MMP26: variants seen among roughly 807,000 people sequenced by gnomAD.
MMP26 encodes the protein matrix metalloproteinase-26.
MMP26 carries 33 observed loss-of-function variants against 31.0 expected under a neutral mutation model. The observed-to-expected ratio is 1.06, with a 90% confidence interval of 0.81 to 1.42. The LOEUF (loss-of-function observed/expected upper bound fraction) is 1.42. Among genes scored for constraint, MMP26 ranks in the 40% most tolerant of loss-of-function variants. The pLI is 0.00. For synonymous variants in MMP26, 122 were observed against 114.9 expected (o/e 1.06, Z -0.40); for missense variants, 347 against 316.1 (o/e 1.10, Z -0.74).
At chr11:4,880,219 C>T (rs1201338915) in intron 2 of MMP26, among the ~76,000 whole-genome samples, 1 of 152,032 alleles carries the variant, frequency 6.6e-6, no homozygotes, top group Non-Finnish European at 1.5e-5. Context: ...CTTTTGGAAG[C>T]TGGTTTAGTC....
intron 2 of MMP26, among the ~76,000 whole-genome samples, chr11:4,780,002 A>G (rs1848837271): frequency 6.6e-6 from 1 of 152,118 alleles, no homozygotes; most frequent in Non-Finnish European, 1.5e-5. Context: ...TTGTATATTC[A>G]TCCATGTTGC....
At chr11:4,875,726 CTTAACT>C (rs1302565877) in intron 2 of MMP26, 1 of 152,132 alleles carries the variant, frequency 6.6e-6, no homozygotes, top group Non-Finnish European at 1.5e-5. Context: ...TCTCAAGGTT[CTTAACT>C]TTAACTATAT....
At chr11:4,799,153 T>G (rs548553973) in intron 2 of MMP26, among the ~76,000 whole-genome samples, 1 of 152,320 alleles carries the variant, frequency 6.6e-6, no homozygotes, top group Admixed American at 6.5e-5. Context: ...TGTTAGTCCA[T>G]TGTTTTGCTT....
At chr11:4,784,211 C>A (rs1024256903) in intron 2 of MMP26, among the ~76,000 whole-genome samples, 7 of 152,160 alleles carry the variant, frequency 4.6e-5, no homozygotes, top group Non-Finnish European at 1.0e-4. Flanking sequence ...TCAGCTGGGG[C>A]AGTGATCAGA....
At chr11:4,758,858 TC>T (rs1441480587) in intron 1 of MMP26, among the ~76,000 whole-genome samples, 1 of 152,006 alleles carries the variant, frequency 6.6e-6, no homozygotes, top group East Asian at 1.9e-4. Context: ...ACACCTGTAA[TC>T]CCAGCACTTT....
At chr11:4,802,404 G>A (rs1289005882) in intron 2 of MMP26, among the ~76,000 whole-genome samples, 1 of 152,094 alleles carries the variant, frequency 6.6e-6, no homozygotes, top group Non-Finnish European at 1.5e-5. Context: ...AGGACAATTT[G>A]CTATCTGTAT....
intron 2 of MMP26, among the ~76,000 whole-genome samples, chr11:4,868,052 C>T (rs765338885): frequency 6.6e-6 from 1 of 152,074 alleles, no homozygotes; most frequent in Non-Finnish European, 1.5e-5. Context: ...CCATGTAATA[C>T]TATGGAGCCA....
At chr11:4,920,746 T>C (rs1382857882) in intron 2 of MMP26, among the ~76,000 whole-genome samples, 1 of 152,216 alleles carries the variant, frequency 6.6e-6, no homozygotes, top group Non-Finnish European at 1.5e-5. Flanking sequence ...AAAATCCCTT[T>C]GGGTTTCATT....
intron 2 of MMP26, among the ~76,000 whole-genome samples, chr11:4,965,956 C>T (rs183442055): frequency 2.0e-4 from 31 of 152,266 alleles, no homozygotes; most frequent in Admixed American, 1.8e-3. Context: ...AAATAAATTA[C>T]ATGAGAACAT....
chr11:4,977,424 G>A (rs561556567), intron 2 of MMP26, among the ~76,000 whole-genome samples: 5 of 152,156 alleles, frequency 3.3e-5, no homozygotes, highest in East Asian at 3.9e-4. Context: ...ACCTATTGAC[G>A]GGCCATTGGA....
chr11:4,849,107 C>T (rs1216225301), intron 2 of MMP26: 1 of 1,614,074 alleles, frequency 6.2e-7, no homozygotes. Flanking sequence ...GCAATGTCCA[C>T]CAGGAGGGTG....
intron 2 of MMP26, chr11:4,908,678 G>A (rs1450883889): frequency 3.5e-6 from 1 of 286,316 alleles, no homozygotes; most frequent in African/African-American, 2.2e-5. Context: ...TACTGTCAAG[G>A]AAAGGTAAAA....
intron 2 of MMP26, among the ~76,000 whole-genome samples, chr11:4,842,894 A>G (rs2133491292): frequency 1.3e-5 from 2 of 152,338 alleles, no homozygotes; most frequent in South Asian, 2.1e-4. Context: ...GGGTACAGGC[A>G]TTGGGTAAAT....
At chr11:4,708,643 G>T (rs940191326) in intron 1 of MMP26, among the ~76,000 whole-genome samples, 1 of 152,120 alleles carries the variant, frequency 6.6e-6, no homozygotes, top group Non-Finnish European at 1.5e-5. Flanking sequence ...GAAAACTTAA[G>T]ACAAGAAGCA....
At chr11:4,806,528 G>T (rs1019961671) in intron 2 of MMP26, among the ~76,000 whole-genome samples, 1 of 152,060 alleles carries the variant, frequency 6.6e-6, no homozygotes, top group Non-Finnish European at 1.5e-5. Flanking sequence ...TGTTTTATCA[G>T]AGACTAGGAT....
At chr11:4,977,215 G>A (rs1440167005) in intron 2 of MMP26, among the ~76,000 whole-genome samples, 2 of 152,074 alleles carry the variant, frequency 1.3e-5, no homozygotes, top group Non-Finnish European at 2.9e-5. Context: ...CTAAACATTT[G>A]TGTGCAGAAG....
chr11:4,817,806 A>G (rs1163269942), intron 2 of MMP26, among the ~76,000 whole-genome samples: 2 of 152,156 alleles, frequency 1.3e-5, no homozygotes, highest in African/African-American at 4.8e-5. Flanking sequence ...GTCTCTTGGC[A>G]ACAGGGTTGG....
chr11:4,848,689 T>G, intron 2 of MMP26: 1 of 1,613,956 alleles, frequency 6.2e-7, no homozygotes, highest in Non-Finnish European at 8.5e-7. Flanking sequence ...CAGTAGGGCA[T>G]GTAGGCCAGC....
At chr11:4,959,383 A>T (rs193261515) in intron 2 of MMP26, among the ~76,000 whole-genome samples, 2 of 152,126 alleles carry the variant, frequency 1.3e-5, no homozygotes, top group Admixed American at 6.5e-5. Flanking sequence ...TGGGTATAGG[A>T]TGTGTCTTCC....
Sources: allele counts gnomAD v4.1 joint callset (sites outside exome capture counted in the v4.1 genomes callset), GRCh38; gene constraint gnomAD v4.1.1; transcripts MANE v1.5; gene names NCBI Gene and HGNC (gene_info 2026-07-23, HGNC 2026-07-21).